Variants in GRID1 observed in about 807,000 individuals in gnomAD.
GRID1 encodes glutamate receptor ionotropic, delta-1.
Under a neutral mutation model 98.0 loss-of-function variants are expected in GRID1, and 28 were observed. The observed-to-expected ratio is 0.29, with a 90% CI of 0.21 to 0.39. The LOEUF (loss-of-function observed/expected upper bound fraction) is 0.39, where lower values mean the gene tolerates loss of function less well. Among genes scored for constraint, GRID1 ranks in the 10% least tolerant of loss-of-function variants. GRID1 has a pLI of 1.00. For synonymous variants in GRID1, 553 were observed against 538.5 expected (o/e 1.03, Z -0.37); for missense variants, 1,111 against 1,340.5 (o/e 0.83, Z 2.67).
chr10:85,743,201 C>G (rs1267258334), intron 8 of GRID1, among the ~76,000 whole-genome samples: 1 of 145,930 alleles, frequency 6.9e-6, no homozygotes, highest in Non-Finnish European at 1.5e-5. Flanking sequence ...GCTGGAGAGA[C>G]CACCTGTGGG....
chr10:85,979,195 C>G (rs1842511943), intron 4 of GRID1, among the ~76,000 whole-genome samples: 1 of 152,176 alleles, frequency 6.6e-6, no homozygotes, highest in African/African-American at 2.4e-5. Context: ...TCCAGCCCCC[C>G]TCCCATGGCC....
At position 86,192,749 on chromosome 10, in the gene GRID1, C is replaced by T. The variant is rs894410500; in HGVS notation, c.520+13615G>A. 1.3e-5 allele frequency among the ~76,000 whole-genome samples: 2 copies of T among 152,002 alleles called. No homozygotes were observed. The highest frequency in any genetic ancestry group is 4.8e-5 in the African/African-American group (2 of 41,382). Reference sequence around the variant, plus strand: ...AAAGTAAAGTAGGAACTTCCCAGAGCACAGGTAGAATCCAGCACACAGGAC... The same window carrying T: ...AAAGTAAAGTAGGAACTTCCCAGAGTACAGGTAGAATCCAGCACACAGGAC... On this transcript the variant is annotated intron_variant, in intron 3 of 15. Transcript: ENST00000327946. The surrounding 1 kb of genome is among the most constrained non-coding windows in gnomAD (Gnocchi z 4.8).
chr10:85,882,513 A>T (rs1313150096), intron 5 of GRID1, among the ~76,000 whole-genome samples: 1 of 152,182 alleles, frequency 6.6e-6, no homozygotes, highest in South Asian at 2.1e-4. Context: ...TCAGCAAACT[A>T]TCGCAAGGAC....
chr10:86,047,264 A>G (rs1843437088), intron 4 of GRID1, among the ~76,000 whole-genome samples: 1 of 152,234 alleles, frequency 6.6e-6, no homozygotes, highest in Non-Finnish European at 1.5e-5. Context: ...TAGTCTGGCA[A>G]CAGGCAGAAC....
chr10:86,189,146 G>A (rs1761581136), intron 3 of GRID1, among the ~76,000 whole-genome samples: 1 of 152,150 alleles, frequency 6.6e-6, no homozygotes, highest in Non-Finnish European at 1.5e-5. Context: ...TGGGGGTCAT[G>A]TCTGCAGCTC....
chr10:85,647,965 G>A (rs530906784), intron 12 of GRID1: 16 of 152,626 alleles, frequency 1.0e-4, no homozygotes, highest in African/African-American at 3.8e-4. Flanking sequence ...GCTTGCAGCT[G>A]TGCTGGGGTC....
intron 3 of GRID1, among the ~76,000 whole-genome samples, chr10:86,145,805 A>T (rs1013248992): frequency 6.6e-6 from 1 of 152,202 alleles, no homozygotes; most frequent in Non-Finnish European, 1.5e-5. Flanking sequence ...CTTGGTGCCT[A>T]GAACAGAGTC....
chr10:86,118,230 G>A (rs1453903084), intron 4 of GRID1, among the ~76,000 whole-genome samples: 1 of 152,150 alleles, frequency 6.6e-6, no homozygotes, highest in African/African-American at 2.4e-5. Context: ...AGTAACTTAG[G>A]AATGAAAAAT....
chr10:85,804,916 T>C lies in GRID1; in HGVS notation c.1233+49580A>G, dbSNP rs1034507297. Among the ~76,000 whole-genome samples, 8 of 151,602 alleles carry C rather than the reference T, an allele frequency of 5.3e-5. No individual in the cohort carries two copies. In the South Asian group the frequency reaches 1.7e-3, roughly 31 times the overall value. ...CAAGGATGTCAGCTCTTACCACATC[T>C]TTCCAACATTATAGTAAAGGTACAA... On this transcript the variant is annotated intron_variant, in intron 8 of 15. Coordinates refer to ENST00000327946, the MANE Select transcript of GRID1 (RefSeq NM_017551.3).
chr10:86,078,483 C>T lies in GRID1; in HGVS notation c.726+60336G>A, dbSNP rs114440234. ...CAGCAGCTTCTCCACAAGCCATCCCCCTGCCCTGCCTCCTCTCACACTCTC... is the reference window on the plus strand; with the variant it reads ...CAGCAGCTTCTCCACAAGCCATCCCTCTGCCCTGCCTCCTCTCACACTCTC... On this transcript the variant is annotated intron_variant, in intron 4 of 15. Coordinates refer to ENST00000327946, the MANE Select transcript of GRID1 (RefSeq NM_017551.3). 9.4e-3 allele frequency among the ~76,000 whole-genome samples: 1,428 copies of T among 152,288 alleles called. 20 individuals carry two copies. Among genetic ancestry groups the T allele is most frequent in the African/African-American group, 0.032 (1,349 of 41,554 alleles).
intron 2 of GRID1, among the ~76,000 whole-genome samples, chr10:86,207,793 G>A (rs1032672014): frequency 1.4e-4 from 21 of 151,868 alleles, no homozygotes; most frequent in African/African-American, 4.4e-4. Flanking sequence ...CACCATGCCC[G>A]GCTAATTTTT....
At chr10:86,240,422 G>A (rs1402344047) in intron 2 of GRID1, among the ~76,000 whole-genome samples, 1 of 152,224 alleles carries the variant, frequency 6.6e-6, no homozygotes, top group Non-Finnish European at 1.5e-5. Flanking sequence ...GAATGAGAGT[G>A]GAGTGCTGCC....
intron 2 of GRID1, among the ~76,000 whole-genome samples, chr10:86,250,696 C>G (rs919881754): frequency 6.6e-6 from 1 of 151,832 alleles, no homozygotes; most frequent in Non-Finnish European, 1.5e-5. Context: ...GGGGACAGCC[C>G]CCGCCCAGCC....
At chr10:85,855,201 G>C (rs1468181015) in intron 7 of GRID1, among the ~76,000 whole-genome samples, 1 of 152,200 alleles carries the variant, frequency 6.6e-6, no homozygotes, top group Non-Finnish European at 1.5e-5. Flanking sequence ...AAGACTAAAG[G>C]AGAAAATATG....
intron 2 of GRID1, among the ~76,000 whole-genome samples, chr10:86,313,812 G>A (rs1847863608): frequency 6.6e-6 from 1 of 152,316 alleles, no homozygotes; most frequent in South Asian, 2.1e-4. Flanking sequence ...CCCCAGACTG[G>A]CGCTCCTGGT....
intron 4 of GRID1, among the ~76,000 whole-genome samples, chr10:86,106,849 T>C (rs765952097): frequency 1.3e-5 from 2 of 151,686 alleles, no homozygotes; most frequent in South Asian, 2.1e-4. Context: ...GCGGCTAAGA[T>C]GGGATAGAGA....
intron 3 of GRID1, among the ~76,000 whole-genome samples, chr10:86,147,583 A>G (rs113655394): frequency 0.037 from 5,634 of 152,312 alleles, 134 homozygotes; most frequent in Middle Eastern, 0.088. Flanking sequence ...AAAAACAAGC[A>G]ATGGGGAAAG....
chr10:86,313,422 C>G (rs1320123736), intron 2 of GRID1, among the ~76,000 whole-genome samples: 1 of 152,138 alleles, frequency 6.6e-6, no homozygotes, highest in Non-Finnish European at 1.5e-5. Flanking sequence ...GGAATTGGAA[C>G]CCAGTCCCTC....
chr10:86,046,451 C>T (rs1054100366), intron 4 of GRID1, among the ~76,000 whole-genome samples: 2 of 152,164 alleles, frequency 1.3e-5, no homozygotes, highest in Non-Finnish European at 1.5e-5. Flanking sequence ...ATGAGCTAAG[C>T]CCCACTTGGG....
Sources: gnomAD v4.1 joint callset for allele counts (sites outside exome capture counted in the v4.1 genomes callset) on GRCh38, gnomAD v4.1.1 for gene constraint, Gnocchi (gnomAD v3.1) non-coding constraint, MANE v1.5 for transcripts, NCBI Gene and HGNC (gene_info 2026-07-23, HGNC 2026-07-21) for gene names.